TFB1M: variants seen among roughly 807,000 people sequenced by gnomAD.
TFB1M encodes dimethyladenosine transferase 1, mitochondrial.
TFB1M carries 27 observed loss-of-function variants against 31.1 expected under a neutral mutation model. The observed-to-expected ratio is 0.87, with a 90% CI of 0.64 to 1.20. The LOEUF (loss-of-function observed/expected upper bound fraction) is 1.20, where lower values mean the gene tolerates loss of function less well. Among genes scored for constraint, TFB1M ranks in the 50% most tolerant of loss-of-function variants. TFB1M has a pLI of 0.00. For synonymous variants in TFB1M, 166 were observed against 151.8 expected (o/e 1.09, Z -0.69); for missense variants, 394 against 418.7 (o/e 0.94, Z 0.51).
At chr6:155,300,145 C>T (rs1055491605) in intron 2 of TFB1M, among the ~76,000 whole-genome samples, 1 of 152,134 alleles carries the variant, frequency 6.6e-6, no homozygotes, top group African/African-American at 2.4e-5. Flanking sequence ...GGTCTAGAAA[C>T]TTGCAAAGAT....
Position 155,257,765 on chromosome 6 carries a change from A to G in TFB1M, c.*71T>C. On this transcript the variant is annotated 3_prime_UTR_variant, in exon 7 of 7. Transcript: ENST00000367166. Reference sequence around the variant, plus strand: ...TGTATCGTCATTCTGTAAAGACAAAAGAGTACCTATATAAGAAGCTCCACG... The same window carrying G: ...TGTATCGTCATTCTGTAAAGACAAAGGAGTACCTATATAAGAAGCTCCACG... 1.9e-6 allele frequency: 3 copies of G among 1,583,118 alleles called. No individual in the cohort carries two copies. Among genetic ancestry groups the G allele is most frequent in the Non-Finnish European group, 2.6e-6 (3 of 1,160,494 alleles).
chr6:155,304,572 C>T (rs963118814), intron 2 of TFB1M, among the ~76,000 whole-genome samples: 2 of 151,914 alleles, frequency 1.3e-5, no homozygotes, highest in African/African-American at 4.8e-5. Flanking sequence ...ACAAGAAACA[C>T]GAACAAAGCT....
intron 5 of TFB1M, among the ~76,000 whole-genome samples, chr6:155,269,313 T>TC (rs1187363753): frequency 2.9e-5 from 3 of 101,752 alleles, no homozygotes; most frequent in Admixed American, 1.1e-4. Context: ...AGTTTTCTTT[T>TC]CTTTTCTTTT....
Position 155,266,970 on chromosome 6 carries a change from C to CTT in TFB1M, c.667-6572_667-6571dup, listed in dbSNP as rs375412255. Among the ~76,000 whole-genome samples the CTT allele has an allele frequency of 1.4e-3, 178 of 127,332 alleles. 7 individuals carry two copies. The highest frequency in any genetic ancestry group is 4.7e-3 in the African/African-American group (160 of 33,764). 83.5% of individuals were successfully genotyped at this position (127,332 alleles called of 152,430 possible). ...AGAGAACTCTAGAATACTTTGCTGC[C>CTT]TTTTTTTTTTTTTTTTTGAGACAGA... On this transcript the variant is annotated intron_variant, in intron 5 of 6. Coordinates refer to ENST00000367166, the MANE Select transcript of TFB1M (RefSeq NM_016020.4).
the TFB1M span, chr6:155,245,703 T>A: frequency 1.2e-6 from 2 of 1,611,864 alleles, no homozygotes; most frequent in South Asian, 2.2e-5. Context: ...GTGCTAACCA[T>A]ATCAAAGTAC....
In TFB1M at chr6:155,311,350, AAG is replaced by A. The variant is rs1778010866; in HGVS notation, c.134-13_134-12del. The A allele has an allele frequency of 1.2e-6, 2 of 1,612,618 alleles. No homozygotes were observed. The highest frequency in any genetic ancestry group is 1.7e-5 in the Admixed American group (1 of 59,984). On this transcript the variant is annotated splice_polypyrimidine_tract_variant and intron_variant, in intron 1 of 6. Coordinates refer to ENST00000367166, the MANE Select transcript of TFB1M (RefSeq NM_016020.4). Reference sequence around the variant, plus strand: ...TCCTTACAATCTTATCTAGAGGAAAAAGAGTTTTAGTTATCTCAATTAACTTG... The same window carrying A: ...TCCTTACAATCTTATCTAGAGGAAAAAGTTTTAGTTATCTCAATTAACTTG...
chr6:155,271,430 C>T (rs979101450), intron 5 of TFB1M, among the ~76,000 whole-genome samples: 2 of 152,084 alleles, frequency 1.3e-5, no homozygotes, highest in African/African-American at 4.8e-5. Flanking sequence ...CTCCACAAAT[C>T]TAAGTGGAAG....
At chr6:155,251,145 GA>G, downstream of TFB1M, 1 of 781,880 alleles carries the variant, frequency 1.3e-6, no homozygotes, top group Non-Finnish European at 2.1e-6. Flanking sequence ...AATGGTTGGG[GA>G]CTTAACAGGG....
intron 5 of TFB1M, among the ~76,000 whole-genome samples, chr6:155,265,855 G>A (rs537553724): frequency 6.6e-5 from 10 of 151,242 alleles, no homozygotes; most frequent in Non-Finnish European, 1.3e-4. Context: ...TAGGCCATCT[G>A]CAGGCTGAGA....
At position 155,287,551 on chromosome 6, in the gene TFB1M, A is replaced by AGTGTGTGTGTGTGTGTGTGTGTGT. The variant is rs150032717; in HGVS notation, c.547-2298_547-2275dup. On this transcript the variant is annotated intron_variant, in intron 4 of 6. Transcript: ENST00000367166. ...AAGACTACTCCTATCATTTACTCTG[A>AGTGTGTGTGTGTGTGTGTGTGTGT]GTGTGTGTGTGTGTGTGTGTGTGTA... 9.8e-4 allele frequency among the ~76,000 whole-genome samples: 144 copies of AGTGTGTGTGTGTGTGTGTGTGTGT among 147,618 alleles called. 1 individual carries two copies. Among genetic ancestry groups the AGTGTGTGTGTGTGTGTGTGTGTGT allele is most frequent in the African/African-American group, 3.4e-3 (134 of 39,772 alleles).
downstream of TFB1M, chr6:155,251,161 C>A: frequency 1.4e-6 from 1 of 694,920 alleles, no homozygotes; most frequent in Non-Finnish European, 2.5e-6. Context: ...ACAGGGCCAG[C>A]CCCCAACTAT....
At chr6:155,236,128 A>G in the TFB1M span, among the ~76,000 whole-genome samples, 1 of 151,948 alleles carries the variant, frequency 6.6e-6, no homozygotes, top group Non-Finnish European at 1.5e-5. Flanking sequence ...CATCGTGAAC[A>G]TTTTAGCTCA....
At chr6:155,310,662 T>C (rs1777975962) in intron 2 of TFB1M, among the ~76,000 whole-genome samples, 1 of 152,190 alleles carries the variant, frequency 6.6e-6, no homozygotes, top group African/African-American at 2.4e-5. Context: ...ATCCTAAATC[T>C]ATAAAAGTAC....
intron 2 of TFB1M, among the ~76,000 whole-genome samples, chr6:155,300,026 A>G (rs183285984): frequency 3.6e-4 from 55 of 152,322 alleles, no homozygotes; most frequent in Admixed American, 1.4e-3. Context: ...TGTTTAATAC[A>G]TATTTAAGAA....
At position 155,257,622 on chromosome 6, in the gene TFB1M, A is replaced by AT. The variant is rs1562381586; in HGVS notation, c.*213_*214insA. 2.9e-5 allele frequency: 16 copies of AT among 556,706 alleles called. No homozygotes were observed. The highest frequency in any genetic ancestry group is 1.3e-4 in the African/African-American group (7 of 53,132). The allele number at this position is 556,706 out of a possible 1,614,324, so 34.5% of individuals were successfully genotyped here. A position where few individuals can be genotyped will look rare whatever the true frequency, so the allele number is the denominator to read the frequency against. On this transcript the variant is annotated 3_prime_UTR_variant, in exon 7 of 7. Transcript: ENST00000367166. ...TGCTGTTTATACTAAACATGTCATAACTATCTATACAGTATATATTAAAAG... is the reference window on the plus strand; with the variant it reads ...TGCTGTTTATACTAAACATGTCATAATCTATCTATACAGTATATATTAAAAG...
intron 4 of TFB1M, among the ~76,000 whole-genome samples, chr6:155,293,890 T>C (rs1777042406): frequency 1.3e-5 from 2 of 152,234 alleles, no homozygotes; most frequent in African/African-American, 4.8e-5. Context: ...TTTGACTCTA[T>C]GCAAACTTGA....
At chr6:155,265,152 T>C (rs930914092) in intron 5 of TFB1M, among the ~76,000 whole-genome samples, 2 of 152,146 alleles carry the variant, frequency 1.3e-5, no homozygotes, top group African/African-American at 4.8e-5. Flanking sequence ...GGTTTGTGGA[T>C]GTGGCAGGAG....
the TFB1M span, among the ~76,000 whole-genome samples, chr6:155,244,244 T>C: frequency 4.9e-4 from 74 of 152,368 alleles, no homozygotes; most frequent in African/African-American, 1.7e-3. Flanking sequence ...ACCACTGCTG[T>C]GGCCTCGGCT....
At chr6:155,308,573 T>A (rs1777885853) in intron 2 of TFB1M, among the ~76,000 whole-genome samples, 1 of 152,184 alleles carries the variant, frequency 6.6e-6, no homozygotes, top group Non-Finnish European at 1.5e-5. Flanking sequence ...ACCCAGGCAG[T>A]CTGATGCTGA....
Sources: allele counts gnomAD v4.1 joint callset (sites outside exome capture counted in the v4.1 genomes callset), GRCh38; gene constraint gnomAD v4.1.1; transcripts MANE v1.5; gene names NCBI Gene and HGNC (gene_info 2026-07-23, HGNC 2026-07-21).